RCAN1: variants seen among roughly 807,000 people sequenced by gnomAD.
RCAN1 encodes regulator of calcineurin 1, also known as calcipressin-1.
Under a neutral mutation model 22.9 loss-of-function variants are expected in RCAN1, and 11 were observed. The observed-to-expected ratio is 0.48, with a 90% CI of 0.30 to 0.79. The LOEUF (loss-of-function observed/expected upper bound fraction) is 0.79. Among genes scored for constraint, RCAN1 ranks in the 30% least tolerant of loss-of-function variants. RCAN1 has a pLI of 0.06. For missense variants in RCAN1, 291 were observed against 337.8 expected, an observed-to-expected ratio of 0.86 and a Z score of 1.09; for synonymous variants, 136 against 142.3, an observed-to-expected ratio of 0.96 and a Z score of 0.32.
At chr21:34,563,170 T>C (rs1245530692) in intron 1 of RCAN1, among the ~76,000 whole-genome samples, 1 of 152,198 alleles carries the variant, frequency 6.6e-6, no homozygotes, top group Admixed American at 6.5e-5. Context: ...TTCTCTCACT[T>C]TAGCCACCAG....
rs531714482 is a variant in RCAN1 at position 34,562,843 on chromosome 21, T to C, written c.253-39133A>G. On this transcript the variant is annotated intron_variant, in intron 1 of 3. Transcript: ENST00000313806. Reference sequence around the variant, plus strand: ...ATGCTCATGGTACCCAGTGATATTATAATAACGCACAGTAGGATATTCTTA... The same window carrying C: ...ATGCTCATGGTACCCAGTGATATTACAATAACGCACAGTAGGATATTCTTA... Among the ~76,000 whole-genome samples the C allele has an allele frequency of 3.3e-4, 50 of 152,354 alleles. 2 individuals are homozygous for C. In the South Asian group the frequency reaches 9.5e-3, roughly 29 times the overall value.
intron 1 of RCAN1, among the ~76,000 whole-genome samples, chr21:34,594,770 C>T (rs1406939477): frequency 6.6e-6 from 1 of 152,142 alleles, no homozygotes. Flanking sequence ...ATCGGAATCC[C>T]AAGCAGGCAC....
chr21:34,614,624 C>A lies in RCAN1; in HGVS notation c.252+136G>T. The A allele has an allele frequency of 9.3e-7, 1 of 1,080,368 alleles. No individual in the cohort carries two copies. The highest frequency in any genetic ancestry group is 4.7e-5 in the East Asian group (1 of 21,402). 66.9% of individuals were successfully genotyped at this position (1,080,368 alleles called of 1,614,324 possible). ...CCACGCCCCAGCCCTGACGGGTCCG[C>A]GGCCGAGCAGCCCGGGGGACGTCGC... On this transcript the variant is annotated intron_variant, in intron 1 of 3. Transcript: ENST00000313806. The surrounding 1 kb of genome is among the most constrained non-coding windows in gnomAD (Gnocchi z 6.0).
chr21:34,556,767 T>C lies in RCAN1; in HGVS notation c.253-33057A>G, dbSNP rs553152452. Among the ~76,000 whole-genome samples, 223 of 152,348 alleles carry C rather than the reference T, an allele frequency of 1.5e-3. 2 individuals are homozygous for C. Among genetic ancestry groups the C allele is most frequent in the African/African-American group, 5.1e-3 (211 of 41,582 alleles). ...CCGTTCAGGTGAAGACCAAGTATTATTGAAGTTTTTGTTTCTTCCAATGTA... is the reference window on the plus strand; with the variant it reads ...CCGTTCAGGTGAAGACCAAGTATTACTGAAGTTTTTGTTTCTTCCAATGTA... On this transcript the variant is annotated intron_variant, in intron 1 of 3. Coordinates refer to ENST00000313806, the MANE Select transcript of RCAN1 (RefSeq NM_004414.7).
chr21:34,567,851 T>C (rs1987087704), intron 1 of RCAN1, among the ~76,000 whole-genome samples: 1 of 152,214 alleles, frequency 6.6e-6, no homozygotes, highest in African/African-American at 2.4e-5. Context: ...GGCTTGCTTT[T>C]GCCACTTATC....
chr21:34,571,676 C>T (rs536846673), intron 1 of RCAN1, among the ~76,000 whole-genome samples: 1 of 152,284 alleles, frequency 6.6e-6, no homozygotes, highest in African/African-American at 2.4e-5. Flanking sequence ...CCACCTCAGC[C>T]TCCTGAGTAG....
intron 1 of RCAN1, among the ~76,000 whole-genome samples, chr21:34,545,180 C>CCCCCGCCCCTTGTTTCAGTGT (rs1389412210): frequency 6.6e-6 from 1 of 152,168 alleles, no homozygotes; most frequent in African/African-American, 2.4e-5. Context: ...AGGCTCAGTG[C>CCCCCGCCCCTTGTTTCAGTGT]CCCCGCCCCT....
At chr21:34,519,263 G>A (rs1032257186) in intron 3 of RCAN1, among the ~76,000 whole-genome samples, 1 of 152,208 alleles carries the variant, frequency 6.6e-6, no homozygotes, top group Non-Finnish European at 1.5e-5. Context: ...CTGCTGGGCA[G>A]GGATCTGAAA....
rs1490302267 is a variant in RCAN1 at position 34,517,929 on chromosome 21, G to T, written c.*155C>A. 4.7e-6 allele frequency: 4 copies of T among 845,232 alleles called. No homozygotes were observed. The highest frequency in any genetic ancestry group is 1.7e-5 in the African/African-American group (1 of 58,866). The allele number at this position is 845,232 out of a possible 1,614,324, so 52.4% of individuals were successfully genotyped here. A position where few individuals can be genotyped will look rare whatever the true frequency, so the allele number is the denominator to read the frequency against. On this transcript the variant is annotated 3_prime_UTR_variant, in exon 4 of 4. Transcript: ENST00000313806. Reference sequence around the variant, plus strand: ...CTGGTGTGCAGCATTAGAACAAGGGGACACGGCCTTGATTCTCTTCTGAGC... The same window carrying T: ...CTGGTGTGCAGCATTAGAACAAGGGTACACGGCCTTGATTCTCTTCTGAGC...
rs561856815 is a variant in RCAN1 at position 34,523,684 on chromosome 21, C to T, written c.279G>A (p.Thr93=). ...CRAKFESLFR[T]YDKDITFQYF... is the part of the protein sequence containing the mutation. ...ACTGAAAGGTGATGTCCTTGTCATACGTCCTAAAGAGGGACTCAAATTTGG... is the reference window on the plus strand; with the variant it reads ...ACTGAAAGGTGATGTCCTTGTCATATGTCCTAAAGAGGGACTCAAATTTGG... The change falls in exon 2 of 4, where the codon ACG becomes ACA. Residue 93 remains threonine, a synonymous_variant. Transcript: ENST00000313806. The T allele has an allele frequency of 1.2e-5, 20 of 1,611,062 alleles. No homozygotes were observed. The highest frequency in any genetic ancestry group is 6.7e-5 in the South Asian group (6 of 90,042).
At chr21:34,583,556 T>G (rs1173605750) in intron 1 of RCAN1, among the ~76,000 whole-genome samples, 1 of 152,156 alleles carries the variant, frequency 6.6e-6, no homozygotes, top group African/African-American at 2.4e-5. Flanking sequence ...ACACTAGGCA[T>G]GTGCGTGCAC....
chr21:34,542,557 AG>A (rs5843670), intron 1 of RCAN1, among the ~76,000 whole-genome samples: 152,323 of 152,324 alleles, frequency 1, 76,161 homozygotes, highest in Non-Finnish European at 1. Flanking sequence ...TCGCCAGCCA[AG>A]GGAAACCCAG....
intron 1 of RCAN1, among the ~76,000 whole-genome samples, chr21:34,580,327 G>A (rs1383306075): frequency 6.6e-6 from 1 of 152,200 alleles, no homozygotes; most frequent in African/African-American, 2.4e-5. Flanking sequence ...CAGGGTCAGC[G>A]CAAATGGAAA....
At chr21:34,574,450 G>GAC (rs1205594695) in intron 1 of RCAN1, among the ~76,000 whole-genome samples, 2 of 152,204 alleles carry the variant, frequency 1.3e-5, no homozygotes, top group Admixed American at 6.5e-5. Flanking sequence ...AAAGGAGAAA[G>GAC]ACATGAGATT....
chr21:34,518,717 G>A lies in RCAN1; in HGVS notation c.587-461C>T, dbSNP rs577621246. ...GTCGCAGTGCACGCCCAGGAAGGGC[G>A]CCACAGGAGGCCCTGCAGCAGACGC... is the stretch of plus-strand genomic sequence containing the variant. On this transcript the variant is annotated intron_variant, in intron 3 of 3. Transcript: ENST00000313806. This position sits in a 1 kb window ranked among gnomAD's most constrained non-coding sequence, Gnocchi z 4.2. 4.6e-5 allele frequency among the ~76,000 whole-genome samples: 7 copies of A among 152,314 alleles called. No individual in the cohort carries two copies. The highest frequency in any genetic ancestry group is 7.4e-5 in the Non-Finnish European group (5 of 68,022).
chr21:34,540,212 T>C (rs1029175066), intron 1 of RCAN1, among the ~76,000 whole-genome samples: 1 of 152,218 alleles, frequency 6.6e-6, no homozygotes, highest in Admixed American at 6.5e-5. Context: ...CCAGAGAATT[T>C]GTATTTAATC....
At position 34,599,177 on chromosome 21, in the gene RCAN1, G is replaced by A. The variant is rs147985556; in HGVS notation, c.252+15583C>T. On this transcript the variant is annotated intron_variant, in intron 1 of 3. Coordinates refer to ENST00000313806, the MANE Select transcript of RCAN1 (RefSeq NM_004414.7). ...TATCTTACAAATACATTTACATAAG[G>A]AAACAAAGAATGCTATTTGCAACAT... Among the ~76,000 whole-genome samples, 115 of 152,174 alleles carry A rather than the reference G, an allele frequency of 7.6e-4. 1 individual carries two copies. The highest frequency in any genetic ancestry group is 2.7e-3 in the African/African-American group (112 of 41,520).
chr21:34,530,703 C>A (rs1985349409), intron 1 of RCAN1, among the ~76,000 whole-genome samples: 1 of 139,032 alleles, frequency 7.2e-6, no homozygotes, highest in Non-Finnish European at 1.5e-5. Flanking sequence ...TGGCTCACTG[C>A]AACCTCTGCC....
intron 1 of RCAN1, among the ~76,000 whole-genome samples, chr21:34,536,297 C>T (rs908453548): frequency 6.6e-6 from 1 of 152,204 alleles, no homozygotes; most frequent in Non-Finnish European, 1.5e-5. Context: ...TTCTCTCTTT[C>T]CAGAGCCACC....
Sources: gnomAD v4.1 joint callset for allele counts (sites outside exome capture counted in the v4.1 genomes callset) on GRCh38, gnomAD v4.1.1 for gene constraint, Gnocchi (gnomAD v3.1) non-coding constraint, MANE v1.5 for transcripts, NCBI Gene and HGNC (gene_info 2026-07-23, HGNC 2026-07-21) for gene names.